SCGN: variants seen among roughly 807,000 people sequenced by gnomAD.
SCGN encodes the protein secretagogin, EF-hand calcium binding protein, also known as secretagogin.
SCGN carries 30 observed loss-of-function variants against 39.7 expected under a neutral mutation model. That is an observed-to-expected ratio of 0.76 (90% CI 0.57 to 1.03). SCGN has a LOEUF of 1.03. SCGN is among the 50% of genes least tolerant of loss of function. The pLI is 0.00. For missense variants in SCGN, 353 were observed against 349.4 expected, an observed-to-expected ratio of 1.01 and a Z score of -0.08; for synonymous variants, 106 against 114.1, an observed-to-expected ratio of 0.93 and a Z score of 0.45.
Position 25,701,463 on chromosome 6 carries a change from C to A in SCGN, c.*128C>A. On this transcript the variant is annotated 3_prime_UTR_variant, in exon 11 of 11. Transcript: ENST00000377961. ...ATGGTGTGCTATTCTTGGGCAAGAA[C>A]AGGGACGCTAGGGCCTTCCTTCCAC... The A allele has an allele frequency of 8.0e-7, 1 of 1,249,258 alleles. No homozygotes were observed. The highest frequency in any genetic ancestry group is 2.2e-5 in the Admixed American group (1 of 46,042). 77.4% of individuals were successfully genotyped at this position (1,249,258 alleles called of 1,614,324 possible).
At chr6:25,657,842 C>G (rs1259811972) in intron 2 of SCGN, among the ~76,000 whole-genome samples, 6 of 150,780 alleles carry the variant, frequency 4.0e-5, no homozygotes, top group African/African-American at 9.7e-5. Flanking sequence ...CAAAGGAAGA[C>G]AGAAGACAGA....
intron 2 of SCGN, among the ~76,000 whole-genome samples, chr6:25,656,284 GGT>G (rs1760225279): frequency 6.6e-6 from 1 of 152,132 alleles, no homozygotes; most frequent in Admixed American, 6.5e-5. Context: ...GTTCAGCAGT[GGT>G]AAGCCAACCT....
At chr6:25,677,146 C>G (rs573447525) in intron 6 of SCGN, among the ~76,000 whole-genome samples, 1 of 152,222 alleles carries the variant, frequency 6.6e-6, no homozygotes, top group Non-Finnish European at 1.5e-5. Context: ...ATGTCTTCCT[C>G]TCTTCTCTCT....
At chr6:25,685,806 A>G (rs1029691243) in intron 7 of SCGN, among the ~76,000 whole-genome samples, 2 of 152,164 alleles carry the variant, frequency 1.3e-5, no homozygotes, top group Non-Finnish European at 2.9e-5. Context: ...AGATTTTAAG[A>G]TATTCATAAG....
intron 9 of SCGN, 50 bp from the exon 10 acceptor site, chr6:25,691,006 T>A (rs1373751126): frequency 6.8e-7 from 1 of 1,463,254 alleles, no homozygotes; most frequent in East Asian, 2.3e-5. Flanking sequence ...TTGCCTTGCT[T>A]TTTGGCTTAA....
intron 2 of SCGN, among the ~76,000 whole-genome samples, chr6:25,658,439 T>A (rs1760267030): frequency 6.6e-6 from 1 of 152,052 alleles, no homozygotes; most frequent in South Asian, 2.1e-4. Flanking sequence ...ACTGTCTAAG[T>A]CCTCTTATTT....
At position 25,681,976 on chromosome 6, in the gene SCGN, A is replaced by AT. The variant is rs1260755926; in HGVS notation, c.498dup (p.Gly167TrpfsTer7). On this transcript the variant is annotated frameshift_variant, in exon 7 of 11. Transcript: ENST00000377961. LOFTEE classifies it high-confidence loss of function. ...ATGAAGATTTTTGACAGAAATAAAG[A>AT]TGGTCGGTTGGATCTAAATGACTTA... The AT allele has an allele frequency of 6.2e-7, 1 of 1,613,786 alleles. No individual in the cohort carries two copies. The highest frequency in any genetic ancestry group is 8.5e-7 in the Non-Finnish European group (1 of 1,179,694).
chr6:25,660,659 C>T lies in SCGN; in HGVS notation c.154-893C>T, dbSNP rs138948190. 1.8e-4 allele frequency among the ~76,000 whole-genome samples: 27 copies of T among 152,340 alleles called. No individual in the cohort carries two copies. In the East Asian group the frequency reaches 5.0e-3, roughly 28 times the overall value. On this transcript the variant is annotated intron_variant, in intron 2 of 10. Coordinates refer to ENST00000377961, the MANE Select transcript of SCGN (RefSeq NM_006998.4). ...AGCCCAAGGCCACCCAGAGAACTGT[C>T]CTGTACACATGTGCATGGATGATGC... is the stretch of plus-strand genomic sequence containing the variant.
intron 6 of SCGN, among the ~76,000 whole-genome samples, chr6:25,671,631 T>G (rs1221287952): frequency 6.6e-6 from 1 of 152,194 alleles, no homozygotes; most frequent in Non-Finnish European, 1.5e-5. Flanking sequence ...AAATATGTGC[T>G]CAGCACCAAA....
At chr6:25,696,572 T>G (rs193298195) in intron 10 of SCGN, among the ~76,000 whole-genome samples, 8 of 152,294 alleles carry the variant, frequency 5.3e-5, no homozygotes, top group Non-Finnish European at 8.8e-5. Context: ...TGCAAAGATC[T>G]TTCTCTATAT....
At chr6:25,670,597 C>T (rs2049967) in intron 6 of SCGN, among the ~76,000 whole-genome samples, 27,774 of 152,190 alleles carry the variant, frequency 0.18, 2,919 homozygotes, top group East Asian at 0.44. Flanking sequence ...AAAATGGGGA[C>T]GAATAACACC....
intron 9 of SCGN, 146 bp downstream of exon 9, chr6:25,689,678 A>G: frequency 1.6e-6 from 1 of 636,498 alleles, no homozygotes; most frequent in Non-Finnish European, 2.8e-6. Flanking sequence ...GGTACTCTCA[A>G]CTCCTCTAGA....
chr6:25,689,979 G>A (rs944652264), intron 9 of SCGN, among the ~76,000 whole-genome samples: 1 of 152,156 alleles, frequency 6.6e-6, no homozygotes, highest in African/African-American at 2.4e-5. Context: ...ACAAAGTATG[G>A]CAAAGAGATT....
chr6:25,659,263 TC>T (rs1281224718), intron 2 of SCGN, among the ~76,000 whole-genome samples: 1 of 152,104 alleles, frequency 6.6e-6, no homozygotes, highest in Non-Finnish European at 1.5e-5. Context: ...TCCTGAAAAA[TC>T]CCCAAAGCAA....
At chr6:25,680,336 G>A (rs994120306) in intron 6 of SCGN, among the ~76,000 whole-genome samples, 1 of 152,200 alleles carries the variant, frequency 6.6e-6, no homozygotes, top group Non-Finnish European at 1.5e-5. Context: ...CAGGAAAGTA[G>A]AAGAGCAGAC....
chr6:25,665,842 T>C (rs1353527754), intron 4 of SCGN, among the ~76,000 whole-genome samples: 1 of 152,242 alleles, frequency 6.6e-6, no homozygotes, highest in Non-Finnish European at 1.5e-5. Context: ...AATGATTTTT[T>C]TTTAAGCAAA....
rs755837501 is a variant in SCGN, at chr6:25,701,489, C to T, written c.*154C>T. ...AGGGACGCTAGGGCCTTCCTTCCACCGGCGTGATCTATCCCTGTCTCACTG... is the reference window on the plus strand; with the variant it reads ...AGGGACGCTAGGGCCTTCCTTCCACTGGCGTGATCTATCCCTGTCTCACTG... On this transcript the variant is annotated 3_prime_UTR_variant, in exon 11 of 11. Coordinates refer to ENST00000377961, the MANE Select transcript of SCGN (RefSeq NM_006998.4). 3.0e-5 allele frequency: 26 copies of T among 879,808 alleles called. 1 individual carries two copies. Among genetic ancestry groups the T allele is most frequent in the African/African-American group, 1.5e-4 (9 of 58,292 alleles). The allele number at this position is 879,808 out of a possible 1,614,324, so 54.5% of individuals were successfully genotyped here.
intron 2 of SCGN, among the ~76,000 whole-genome samples, chr6:25,660,810 C>T (rs1760321834): frequency 6.6e-6 from 1 of 152,198 alleles, no homozygotes; most frequent in African/African-American, 2.4e-5. Flanking sequence ...GGACAAGAGA[C>T]AGCATGATAG....
chr6:25,686,712 T>C (rs1445386210), intron 7 of SCGN, among the ~76,000 whole-genome samples: 2 of 152,028 alleles, frequency 1.3e-5, no homozygotes, highest in African/African-American at 4.8e-5. Context: ...TGAAGTCCAA[T>C]TTGTCTAATT....
Sources: gnomAD v4.1 joint callset for allele counts (sites outside exome capture counted in the v4.1 genomes callset) on GRCh38, gnomAD v4.1.1 for gene constraint, MANE v1.5 for transcripts, NCBI Gene and HGNC (gene_info 2026-07-23, HGNC 2026-07-21) for gene names.